The following ORC4 variants were observed in gnomAD, a reference collection of about 807,000 sequenced individuals.
ORC4 encodes the protein origin recognition complex subunit 4, also known as origin recognition complex, subunit 4 homolog.
In ORC4, 55 loss-of-function variants were observed where a neutral mutation model predicts 63.9. The ratio of observed to expected loss-of-function variants is 0.86; its 90% CI spans 0.69 to 1.08. The LOEUF (loss-of-function observed/expected upper bound fraction) is 1.08. Among genes scored for constraint, ORC4 ranks in the 50% least tolerant of loss-of-function variants. The pLI, the probability that ORC4 is intolerant of heterozygous loss-of-function variation, is 0.00. For missense variants in ORC4, 511 were observed against 504.4 expected (o/e 1.01, Z -0.13); for synonymous variants, 150 against 168.5 (o/e 0.89, Z 0.85).
chr2:147,950,408 G>A (rs557564903), intron 8 of ORC4, among the ~76,000 whole-genome samples: 1 of 152,274 alleles, frequency 6.6e-6, no homozygotes, highest in Admixed American at 6.5e-5. Flanking sequence ...GAAGATGCTT[G>A]CTGGCAAAGT....
chr2:147,999,445 T>C (rs1692172838), intron 1 of ORC4, among the ~76,000 whole-genome samples: 1 of 152,210 alleles, frequency 6.6e-6, no homozygotes, highest in Non-Finnish European at 1.5e-5. Context: ...GATAACATTT[T>C]AAACTTGATT....
At chr2:148,017,546 C>CT (rs1416059578) in intron 1 of ORC4, among the ~76,000 whole-genome samples, 20 of 152,102 alleles carry the variant, frequency 1.3e-4, no homozygotes, top group Non-Finnish European at 2.8e-4. Context: ...GTGGCACATG[C>CT]TTGTAATCCC....
rs568169286 is a variant in ORC4 at position 148,018,099 on chromosome 2, C to A, written c.-18+2534G>T. ...CAGACAACCCAATTAAAACAAAAAA[C>A]AAACAAACAAAAAAACCTCCCAAAA... On this transcript the variant is annotated intron_variant, in intron 1 of 13. Coordinates refer to ENST00000392857, the MANE Select transcript of ORC4 (RefSeq NM_181741.4). 5.3e-5 allele frequency among the ~76,000 whole-genome samples: 8 copies of A among 152,002 alleles called. No homozygotes were observed. The South Asian group carries it at 1.5e-3, about 28-fold the overall frequency.
intron 4 of ORC4, among the ~76,000 whole-genome samples, chr2:147,971,922 C>G (rs17225402): frequency 0.13 from 20,386 of 151,998 alleles, 1,678 homozygotes; most frequent in Middle Eastern, 0.2. Context: ...ACGTACTCAT[C>G]TTAATAATGT....
chr2:147,960,472 GT>G, intron 4 of ORC4: 1 of 539,442 alleles, frequency 1.9e-6, no homozygotes, highest in South Asian at 8.1e-5. Context: ...AAAATATTTA[GT>G]TGGTTATTAA....
At chr2:148,000,896 A>G (rs535143341) in intron 1 of ORC4, among the ~76,000 whole-genome samples, 217 of 152,260 alleles carry the variant, frequency 1.4e-3, no homozygotes, top group African/African-American at 4.9e-3. Flanking sequence ...TGTTTGTGGA[A>G]AAAGGCTAAA....
intron 1 of ORC4, among the ~76,000 whole-genome samples, chr2:147,976,846 C>T (rs1029137035): frequency 6.6e-6 from 1 of 151,424 alleles, no homozygotes; most frequent in Non-Finnish European, 1.5e-5. Context: ...ATGCCCAAAA[C>T]AAAGTTGGCA....
intron 8 of ORC4, among the ~76,000 whole-genome samples, chr2:147,948,566 A>G (rs1296202992): frequency 6.6e-6 from 1 of 152,074 alleles, no homozygotes; most frequent in Non-Finnish European, 1.5e-5. Flanking sequence ...ACATTCTATG[A>G]AGAACTGAGA....
chr2:147,937,910 C>T (rs781700659), intron 13 of ORC4: 10 of 569,368 alleles, frequency 1.8e-5, no homozygotes, highest in Admixed American at 3.1e-5. Context: ...TAGTTGTTTT[C>T]GGGATGCAAG....
At position 147,989,271 on chromosome 2, in the gene ORC4, G is replaced by C. The variant is rs558873486; in HGVS notation, c.-17-13296C>G. 2.0e-4 allele frequency among the ~76,000 whole-genome samples: 31 copies of C among 152,242 alleles called. 3 individuals carry two copies. The South Asian group carries it at 6.0e-3, about 30-fold the overall frequency. Reference sequence around the variant, plus strand: ...TATCCATTGGCTACAGAGTGGCAGGGGGTAGGGAGTTGGGGTGGAGTATGG... The same window carrying C: ...TATCCATTGGCTACAGAGTGGCAGGCGGTAGGGAGTTGGGGTGGAGTATGG... On this transcript the variant is annotated intron_variant, in intron 1 of 13. Coordinates refer to ENST00000392857, the MANE Select transcript of ORC4 (RefSeq NM_181741.4).
upstream of ORC4, chr2:148,021,410 G>T: frequency 1.9e-6 from 1 of 529,126 alleles, no homozygotes; most frequent in East Asian, 5.0e-5. Context: ...CGTGAGAGGA[G>T]GAGAGAAAGA....
intron 8 of ORC4, among the ~76,000 whole-genome samples, chr2:147,948,981 T>C (rs1026224790): frequency 3.4e-5 from 5 of 147,400 alleles, no homozygotes; most frequent in Non-Finnish European, 7.5e-5. Flanking sequence ...TTTCAAAATA[T>C]ATTATAGTAC....
intron 8 of ORC4, among the ~76,000 whole-genome samples, chr2:147,949,890 G>A (rs1442426174): frequency 6.6e-6 from 1 of 152,054 alleles, no homozygotes; most frequent in Non-Finnish European, 1.5e-5. Flanking sequence ...TAAAAGGGGA[G>A]TAGTTTAAGC....
chr2:147,939,592 C>T (rs1573745661), intron 10 of ORC4, among the ~76,000 whole-genome samples: 1 of 152,026 alleles, frequency 6.6e-6, no homozygotes, highest in African/African-American at 2.4e-5. Context: ...GCCCCAAACA[C>T]AAGCCCAAAA....
chr2:147,995,235 T>G (rs1194918220), intron 1 of ORC4, among the ~76,000 whole-genome samples: 1 of 151,558 alleles, frequency 6.6e-6, no homozygotes, highest in Admixed American at 6.6e-5. Context: ...CAGCACTCTG[T>G]GTCTAAAGTA....
Position 147,975,987 on chromosome 2 carries a change from T to C in ORC4, c.-17-12A>G, listed in dbSNP as rs200811992. ...AACAAATTCAAATCCTTTAAAAAAA[T>C]TGGCATAAATATTATAAACGTAGTG... is the stretch of plus-strand genomic sequence containing the variant. On this transcript the variant is annotated splice_polypyrimidine_tract_variant and intron_variant, in intron 1 of 13. Coordinates refer to ENST00000392857, the MANE Select transcript of ORC4 (RefSeq NM_181741.4). The C allele has an allele frequency of 1.2e-5, 12 of 1,021,744 alleles. No homozygotes were observed. The highest frequency in any genetic ancestry group is 2.5e-5 in the South Asian group (2 of 78,460). 63.3% of individuals were successfully genotyped at this position (1,021,744 alleles called of 1,614,324 possible). A position where few individuals can be genotyped will look rare whatever the true frequency, so the allele number is the denominator to read the frequency against.
intron 4 of ORC4, among the ~76,000 whole-genome samples, chr2:147,972,485 T>C (rs1362752613): frequency 1.3e-5 from 2 of 152,062 alleles, no homozygotes; most frequent in African/African-American, 2.4e-5. Flanking sequence ...CAAACATCAA[T>C]TGACAATTTT....
intron 1 of ORC4, among the ~76,000 whole-genome samples, chr2:148,010,514 A>C (rs919229365): frequency 6.6e-6 from 1 of 152,118 alleles, no homozygotes; most frequent in Non-Finnish European, 1.5e-5. Flanking sequence ...AGGAGACATT[A>C]CAATTGATAT....
chr2:147,991,695 G>A (rs561882570), intron 1 of ORC4, among the ~76,000 whole-genome samples: 2 of 152,172 alleles, frequency 1.3e-5, no homozygotes, highest in South Asian at 4.2e-4. Flanking sequence ...AGGTGTCGTG[G>A]TGCGTACCTG....
Sources: gnomAD v4.1 joint callset for allele counts (sites outside exome capture counted in the v4.1 genomes callset) on GRCh38, gnomAD v4.1.1 for gene constraint, MANE v1.5 for transcripts, NCBI Gene and HGNC (gene_info 2026-07-23, HGNC 2026-07-21) for gene names.